ZBTB41: variants seen among roughly 807,000 people sequenced by gnomAD.
ZBTB41 encodes zinc finger and BTB domain-containing protein 41.
ZBTB41 carries 42 observed loss-of-function variants against 87.6 expected under a neutral mutation model. The observed-to-expected ratio is 0.48, with a 90% CI of 0.37 to 0.62. The LOEUF (loss-of-function observed/expected upper bound fraction) is 0.62, where lower values mean the gene tolerates loss of function less well. Ranked by LOEUF, ZBTB41 falls within the 20% of genes least tolerant of loss-of-function variation. The pLI is 0.00. For synonymous variants in ZBTB41, 364 were observed against 364.0 expected (o/e 1.00, Z 0.00); for missense variants, 799 against 1,078.9 (o/e 0.74, Z 3.63).
At chr1:197,183,211 A>G (rs1309060672) in intron 5 of ZBTB41, among the ~76,000 whole-genome samples, 4 of 152,332 alleles carry the variant, frequency 2.6e-5, no homozygotes, top group South Asian at 2.1e-4. Flanking sequence ...ACTGAAAACT[A>G]TAATACTAGA....
In ZBTB41 at chr1:197,159,602, G is replaced by A; in HGVS notation, c.2487C>T (p.Thr829=). ...TCTCATGAGAAGATGGTGGGAGTGTGGTAGTATGACGCACTAGGTCACTCG... is the reference window on the plus strand; with the variant it reads ...TCTCATGAGAAGATGGTGGGAGTGTAGTAGTATGACGCACTAGGTCACTCG... ...DTPSDLVRHT[T]TLPPSSHEIL... The change falls in exon 11 of 11, where the codon ACC becomes ACT. Residue 829 remains threonine, a synonymous_variant. Coordinates refer to ENST00000367405, the MANE Select transcript of ZBTB41 (RefSeq NM_194314.3). The A allele has an allele frequency of 6.2e-6, 10 of 1,613,930 alleles. No homozygotes were observed. The highest frequency in any genetic ancestry group is 7.6e-6 in the Non-Finnish European group (9 of 1,179,888).
At chr1:197,184,380 G>T (rs987082914) in intron 5 of ZBTB41, among the ~76,000 whole-genome samples, 3 of 152,142 alleles carry the variant, frequency 2.0e-5, no homozygotes, top group Non-Finnish European at 4.4e-5. Flanking sequence ...GCGCAATAGT[G>T]CCTTGAAAGT....
intron 4 of ZBTB41, among the ~76,000 whole-genome samples, chr1:197,190,233 C>T (rs1338207719): frequency 6.6e-6 from 1 of 152,126 alleles, no homozygotes; most frequent in East Asian, 1.9e-4. Flanking sequence ...GAGTGAGCCA[C>T]TCTGGAAGTG....
intron 10 of ZBTB41, among the ~76,000 whole-genome samples, chr1:197,169,427 A>T (rs1659426165): frequency 6.6e-6 from 1 of 152,080 alleles, no homozygotes; most frequent in African/African-American, 2.4e-5. Context: ...CTTAATATTT[A>T]TTAGGTAAAA....
chr1:197,180,299 A>G (rs1267709433), intron 6 of ZBTB41, among the ~76,000 whole-genome samples: 29 of 152,136 alleles, frequency 1.9e-4, no homozygotes, highest in Admixed American at 1.9e-3. Flanking sequence ...AGTAGGCTAT[A>G]CCATCTAGGT....
chr1:197,175,448 A>ATATATATATATATATATATATATC (rs1197311649), intron 8 of ZBTB41, among the ~76,000 whole-genome samples: 1 of 142,490 alleles, frequency 7.0e-6, no homozygotes, highest in Non-Finnish European at 1.5e-5. Context: ...ATATATATAT[A>ATATATATATATATATATATATATC]TGTCTGTATA....
Position 197,188,375 on chromosome 1 carries a change from T to C in ZBTB41, c.1463A>G (p.Asp488Gly). Residue 488 changes from aspartate to glycine, a missense_variant, in exon 5 of 11, where the codon GAT becomes GGT. By Grantham distance (94) the Asp-to-Gly change is moderately conservative (BLOSUM62 -1). Coordinates refer to ENST00000367405, the MANE Select transcript of ZBTB41 (RefSeq NM_194314.3). ...ACAATAGGTACACTTAAAAGGTTTA[T>C]CTTGAGAATGTAGAATCATATGTTC... ...LEEHMILHSQ[D>G]KPFKCTYCEE... The C allele has an allele frequency of 6.2e-7, 1 of 1,613,838 alleles. No homozygotes were observed. The highest frequency in any genetic ancestry group is 8.5e-7 in the Non-Finnish European group (1 of 1,179,894).
intron 2 of ZBTB41, among the ~76,000 whole-genome samples, chr1:197,198,669 A>G (rs1488089866): frequency 6.6e-6 from 1 of 152,184 alleles, no homozygotes; most frequent in Non-Finnish European, 1.5e-5. Context: ...ACTGACATAA[A>G]ACTTAAAGTG....
chr1:197,164,367 G>A (rs1376945873), intron 10 of ZBTB41, among the ~76,000 whole-genome samples: 1 of 151,624 alleles, frequency 6.6e-6, no homozygotes, highest in Non-Finnish European at 1.5e-5. Context: ...AAAGCATCAA[G>A]GAATCAATTG....
intron 7 of ZBTB41, 128 bp from the exon 8 acceptor site, chr1:197,176,798 T>C: frequency 1.5e-6 from 1 of 667,260 alleles, no homozygotes; most frequent in Non-Finnish European, 2.6e-6. Flanking sequence ...CATTATTGGC[T>C]TTATTTCTAT....
At position 197,154,657 on chromosome 1, in the gene ZBTB41, TAAG is replaced by T. The variant is rs1377237687; in HGVS notation, c.*4699_*4701del. On this transcript the variant is annotated 3_prime_UTR_variant, in exon 11 of 11. Transcript: ENST00000367405. ...TAAGTAAAAACAATTTTAGAGGAAATAAGGAGGGGATTCCCTCTACCCTCAAAA... is the reference window on the plus strand; with the variant it reads ...TAAGTAAAAACAATTTTAGAGGAAATGAGGGGATTCCCTCTACCCTCAAAA... The T allele has an allele frequency of 6.6e-6, 1 of 151,980 alleles. No individual in the cohort carries two copies. Among genetic ancestry groups the T allele is most frequent in the Non-Finnish European group, 1.5e-5 (1 of 67,848 alleles). 9.4% of individuals were successfully genotyped at this position (151,980 alleles called of 1,614,324 possible). A position where few individuals can be genotyped will look rare whatever the true frequency, so the allele number is the denominator to read the frequency against.
At chr1:197,168,075 A>AT (rs1196312720) in intron 10 of ZBTB41, among the ~76,000 whole-genome samples, 1 of 152,230 alleles carries the variant, frequency 6.6e-6, no homozygotes, top group Non-Finnish European at 1.5e-5. Flanking sequence ...AGGTCACTGG[A>AT]TAAAAAGTCA....
chr1:197,170,737 A>C (rs1166190290), intron 10 of ZBTB41, among the ~76,000 whole-genome samples: 1 of 152,142 alleles, frequency 6.6e-6, no homozygotes, highest in Non-Finnish European at 1.5e-5. Context: ...GGCATGCTTC[A>C]TCTGTTTACA....
At chr1:197,170,265 A>G (rs376973084) in intron 10 of ZBTB41, among the ~76,000 whole-genome samples, 7 of 149,586 alleles carry the variant, frequency 4.7e-5, no homozygotes, top group Admixed American at 1.3e-4. Context: ...CCCAACAAGG[A>G]AAAAAAAAAT....
intron 2 of ZBTB41, among the ~76,000 whole-genome samples, chr1:197,197,563 AGGAG>A (rs1306246138): frequency 1.1e-5 from 1 of 93,560 alleles, no homozygotes; most frequent in Non-Finnish European, 2.2e-5. Context: ...GAGGGAGGGA[AGGAG>A]GGAGGGAGGG....
rs1398753737 is a variant in ZBTB41, at chr1:197,158,685, G to C, written c.*674C>G. ...GCCTTTCTTATTCATAACAATTGAA[G>C]TATAGGCAAAAACCAATTATCTGGA... On this transcript the variant is annotated 3_prime_UTR_variant, in exon 11 of 11. Transcript: ENST00000367405. The C allele has an allele frequency of 6.6e-6, 1 of 151,970 alleles. No homozygotes were observed. The allele number at this position is 151,970 out of a possible 1,614,324, so 9.4% of individuals were successfully genotyped here.
rs1226617679 is a variant in ZBTB41, at chr1:197,159,199, G to C, written c.*160C>G. ...CCAGAAATTTTGTCCAAATATTCAT[G>C]TTCAGTAAACAGAGACACATAGTTT... On this transcript the variant is annotated 3_prime_UTR_variant, in exon 11 of 11. Coordinates refer to ENST00000367405, the MANE Select transcript of ZBTB41 (RefSeq NM_194314.3). The C allele has an allele frequency of 2.8e-5, 19 of 673,852 alleles. No homozygotes were observed. Among genetic ancestry groups the C allele is most frequent in the Middle Eastern group, 4.0e-4 (1 of 2,470 alleles). 41.7% of individuals were successfully genotyped at this position (673,852 alleles called of 1,614,324 possible).
In ZBTB41 at chr1:197,181,065, C is replaced by T. The variant is rs763415824; in HGVS notation, c.1599G>A (p.Leu533=). ...CGRQFNDTGN[L]KRHIECTHGG... ...CATGAGTACATTCTATATGACGTTT[C>T]AAATTTCCAGTGTCGTTAAACTGGC... The change falls in exon 6 of 11, where the codon TTG becomes TTA. Residue 533 remains leucine (L), a synonymous_variant. Transcript: ENST00000367405. The T allele has an allele frequency of 3.7e-6, 6 of 1,603,876 alleles. No individual in the cohort carries two copies. In the South Asian group the frequency reaches 6.7e-5, roughly 18 times the overall value.
intron 10 of ZBTB41, among the ~76,000 whole-genome samples, chr1:197,162,461 A>C (rs951097264): frequency 6.6e-6 from 1 of 152,184 alleles, no homozygotes; most frequent in Non-Finnish European, 1.5e-5. Flanking sequence ...AGAGATGTAA[A>C]CTAATAGTTA....
Sources: gnomAD v4.1 joint callset for allele counts (sites outside exome capture counted in the v4.1 genomes callset) on GRCh38, gnomAD v4.1.1 for gene constraint, MANE v1.5 for transcripts, NCBI Gene and HGNC (gene_info 2026-07-23, HGNC 2026-07-21) for gene names.